TTLL11: variants seen among roughly 807,000 people sequenced by gnomAD.
TTLL11 encodes the protein tubulin tyrosine ligase like 11.
A neutral mutation model predicts 51.7 loss-of-function variants in TTLL11; 42 were observed. The ratio of observed to expected loss-of-function variants is 0.81; its 90% CI spans 0.64 to 1.05. The LOEUF (loss-of-function observed/expected upper bound fraction) is 1.05. Ranked by LOEUF, TTLL11 falls within the 50% of genes least tolerant of loss-of-function variation. The pLI is 0.00. For synonymous variants in TTLL11, 381 were observed against 383.5 expected (o/e 0.99, Z 0.08); for missense variants, 799 against 940.4 (o/e 0.85, Z 1.97).
rs755960834 is a variant in TTLL11 at position 121,818,845 on chromosome 9, G to T, written c.*3742C>A. ...CAGAGCCTGGTCCTGAGGTGCAGGG[G>T]TCAGGTGCGGGCCTTAGGATGGAAA... On this transcript the variant is annotated 3_prime_UTR_variant, in exon 9 of 9. Coordinates refer to ENST00000321582, the MANE Select transcript of TTLL11 (RefSeq NM_001139442.2). 2 of 152,802 alleles carry T rather than the reference G, an allele frequency of 1.3e-5. No individual in the cohort carries two copies. Among genetic ancestry groups the T allele is most frequent in the African/African-American group, 4.8e-5 (2 of 41,460 alleles). The allele number at this position is 152,802 out of a possible 1,614,324, so 9.5% of individuals were successfully genotyped here.
At chr9:121,943,311 G>A (rs1285692133) in intron 6 of TTLL11, among the ~76,000 whole-genome samples, 1 of 152,202 alleles carries the variant, frequency 6.6e-6, no homozygotes, top group Non-Finnish European at 1.5e-5. Flanking sequence ...AAACAGGCAT[G>A]AGTAGCCTGG....
intron 6 of TTLL11, among the ~76,000 whole-genome samples, chr9:121,945,706 C>T (rs564147758): frequency 6.6e-6 from 1 of 152,338 alleles, no homozygotes; most frequent in South Asian, 2.1e-4. Context: ...TGATTCCATT[C>T]AGGACAGTAT....
At chr9:122,076,870 C>A (rs1845874913) in intron 1 of TTLL11, among the ~76,000 whole-genome samples, 1 of 152,140 alleles carries the variant, frequency 6.6e-6, no homozygotes, top group African/African-American at 2.4e-5. Context: ...AAGAAATCCT[C>A]ACCTAGAAAT....
chr9:122,045,637 G>A (rs1844981247), intron 1 of TTLL11, among the ~76,000 whole-genome samples: 1 of 152,112 alleles, frequency 6.6e-6, no homozygotes. Flanking sequence ...TAGCCAAAAT[G>A]TAGAAAAAGC....
intron 4 of TTLL11, chr9:121,988,877 T>C: frequency 4.1e-6 from 2 of 489,232 alleles, no homozygotes; most frequent in East Asian, 3.3e-5. Flanking sequence ...AGTGAATGAA[T>C]GAATGAGTAA....
At chr9:121,964,289 T>G (rs932021028) in intron 6 of TTLL11, among the ~76,000 whole-genome samples, 1 of 149,592 alleles carries the variant, frequency 6.7e-6, no homozygotes. Flanking sequence ...CTTTTCCTTT[T>G]TTTTGTTTTT....
chr9:122,058,973 G>A (rs142483260), intron 1 of TTLL11, among the ~76,000 whole-genome samples: 413 of 152,134 alleles, frequency 2.7e-3, no homozygotes, highest in African/African-American at 8.8e-3. Flanking sequence ...GCTAGGCCAC[G>A]TACGGCTTTC....
chr9:121,965,855 T>C lies in TTLL11; in HGVS notation c.1481+8154A>G, dbSNP rs567454262. Among the ~76,000 whole-genome samples, 33 of 152,330 alleles carry C rather than the reference T, an allele frequency of 2.2e-4. No homozygotes were observed. The South Asian group carries it at 2.5e-3, about 11-fold the overall frequency. ...AATATTTCTCTAATCTTCTCCAGGA[T>C]TGGACAAAGCTACATTCCTTGGTTG... On this transcript the variant is annotated intron_variant, in intron 6 of 8. Coordinates refer to ENST00000321582, the MANE Select transcript of TTLL11 (RefSeq NM_001139442.2).
intron 3 of TTLL11, among the ~76,000 whole-genome samples, chr9:122,002,957 AAAAAAAAG>A (rs1182402694): frequency 6.7e-6 from 1 of 150,062 alleles, no homozygotes; most frequent in African/African-American, 2.5e-5. Context: ...AAAAAAAAAA[AAAAAAAAG>A]AGATCCCCAG....
intron 4 of TTLL11, among the ~76,000 whole-genome samples, chr9:121,978,563 C>T (rs984656221): frequency 1.3e-5 from 2 of 152,070 alleles, no homozygotes; most frequent in Admixed American, 6.6e-5. Flanking sequence ...CCAAGTCCCT[C>T]TAACGGAGCA....
chr9:122,093,086 C>A lies in TTLL11; in HGVS notation c.63G>T (p.Ala21=), dbSNP rs1057389328. The change falls in exon 1 of 9, where the codon GCG becomes GCT. Residue 21 remains alanine (A), a synonymous_variant. Coordinates refer to ENST00000321582, the MANE Select transcript of TTLL11 (RefSeq NM_001139442.2). ...CCTCAGCTTTGGCCGCCGCTTTGGC[C>A]GCAGCCACCGCCTCCGCCTCCCACC... ...AARWEAEAVA[A]AKAAAKAEAE... is the part of the protein sequence containing the mutation. 6 of 1,503,852 alleles carry A rather than the reference C, an allele frequency of 4.0e-6. No individual in the cohort carries two copies. In the Admixed American group the frequency reaches 6.2e-5, roughly 16 times the overall value. 93.2% of individuals were successfully genotyped at this position (1,503,852 alleles called of 1,614,324 possible).
In TTLL11 at chr9:122,093,192, G is replaced by T; in HGVS notation, c.-44C>A. The T allele has an allele frequency of 2.0e-6, 3 of 1,488,524 alleles. No homozygotes were observed. The highest frequency in any genetic ancestry group is 2.7e-6 in the Non-Finnish European group (3 of 1,128,236). The allele number at this position is 1,488,524 out of a possible 1,614,324, so 92.2% of individuals were successfully genotyped here. A position where few individuals can be genotyped will look rare whatever the true frequency, so the allele number is the denominator to read the frequency against. ...CAGTGCCAGTGCCACCGCCGCCGCCGCCGCCGCTCCGCCGCCCCAGTCCGC... is the reference window on the plus strand; with the variant it reads ...CAGTGCCAGTGCCACCGCCGCCGCCTCCGCCGCTCCGCCGCCCCAGTCCGC... On this transcript the variant is annotated 5_prime_UTR_variant, in exon 1 of 9. Coordinates refer to ENST00000321582, the MANE Select transcript of TTLL11 (RefSeq NM_001139442.2).
chr9:122,076,933 A>G (rs1408867506), intron 1 of TTLL11, among the ~76,000 whole-genome samples: 1 of 152,162 alleles, frequency 6.6e-6, no homozygotes, highest in African/African-American at 2.4e-5. Flanking sequence ...AAACAGCCAG[A>G]ATGAAAGACA....
At chr9:121,908,541 A>G (rs1365290520) in intron 6 of TTLL11, among the ~76,000 whole-genome samples, 2 of 152,242 alleles carry the variant, frequency 1.3e-5, no homozygotes, top group Non-Finnish European at 2.9e-5. Context: ...CCATTTTGAC[A>G]GCCCTGCGCT....
intron 6 of TTLL11, among the ~76,000 whole-genome samples, chr9:121,924,934 A>G (rs1382361169): frequency 6.6e-6 from 1 of 152,194 alleles, no homozygotes; most frequent in East Asian, 1.9e-4. Flanking sequence ...AGCAAAGTCC[A>G]GGAGCTCTGT....
At chr9:121,840,051 T>C (rs1291330552) in intron 8 of TTLL11, among the ~76,000 whole-genome samples, 1 of 152,222 alleles carries the variant, frequency 6.6e-6, no homozygotes, top group East Asian at 1.9e-4. Context: ...TGTCACTTTG[T>C]CAGAGAGAAA....
rs933877107 is a variant in TTLL11 at position 121,819,622 on chromosome 9, GC to G, written c.*2964del. On this transcript the variant is annotated 3_prime_UTR_variant, in exon 9 of 9. Coordinates refer to ENST00000321582, the MANE Select transcript of TTLL11 (RefSeq NM_001139442.2). The stretch of plus-strand genomic sequence containing the variant: ...AGGAGGAGCGGGAAGGGGCAAGAGA[GC>G]GGGAGGGAGAAGACGCTGGAGATGG... Among the ~76,000 whole-genome samples the G allele has an allele frequency of 3.3e-5, 5 of 152,194 alleles. No individual in the cohort carries two copies. The highest frequency in any genetic ancestry group is 1.2e-4 in the African/African-American group (5 of 41,446).
At chr9:121,933,951 C>A (rs1018988330) in intron 6 of TTLL11, among the ~76,000 whole-genome samples, 1 of 152,176 alleles carries the variant, frequency 6.6e-6, no homozygotes, top group Non-Finnish European at 1.5e-5. Flanking sequence ...TTGGTCCAGC[C>A]GGGCGCTGTG....
intron 4 of TTLL11, among the ~76,000 whole-genome samples, chr9:121,984,429 C>T (rs183136049): frequency 6.6e-6 from 1 of 152,240 alleles, no homozygotes; most frequent in African/African-American, 2.4e-5. Context: ...CTTATTTGTG[C>T]TTACAATAAT....
Sources: gnomAD v4.1 joint callset for allele counts (sites outside exome capture counted in the v4.1 genomes callset) on GRCh38, gnomAD v4.1.1 for gene constraint, MANE v1.5 for transcripts, NCBI Gene and HGNC (gene_info 2026-07-23, HGNC 2026-07-21) for gene names.